Variants in ZNF12 observed in about 807,000 individuals in gnomAD.
The protein encoded by ZNF12 is gonadotropin inducible transcription repressor 3.
A neutral mutation model predicts 66.6 loss-of-function variants in ZNF12; 34 were observed. That is an observed-to-expected ratio of 0.51 (90% CI 0.39 to 0.68). The LOEUF (loss-of-function observed/expected upper bound fraction) is 0.68, where lower values mean the gene tolerates loss of function less well. ZNF12 is among the 30% of genes least tolerant of loss of function. ZNF12 has a pLI of 0.00. For synonymous variants in ZNF12, 320 were observed against 278.9 expected, an observed-to-expected ratio of 1.15 and a Z score of -1.47; for missense variants, 697 against 826.9, an observed-to-expected ratio of 0.84 and a Z score of 1.93.
intron 2 of ZNF12, among the ~76,000 whole-genome samples, chr7:6,702,303 A>AACACACACAC (rs35642461): frequency 0.063 from 7,753 of 122,868 alleles, 693 homozygotes; most frequent in East Asian, 0.31. Context: ...AAACTCCACA[A>AACACACACAC]ACACACACAC....
rs1780166902 is a variant in ZNF12, at chr7:6,697,210, G to A, written c.238+129C>T. 1.6e-6 allele frequency: 1 copy of A among 608,698 alleles called. No homozygotes were observed. The highest frequency in any genetic ancestry group is 2.7e-6 in the Non-Finnish European group (1 of 365,482). The allele number at this position is 608,698 out of a possible 1,614,324, so 37.7% of individuals were successfully genotyped here. ...ACGGGGAAGGAAGAAGTCTTTGGGAGTGAGATTCAGGTTCATAGAGCATAT... is the reference window on the plus strand; with the variant it reads ...ACGGGGAAGGAAGAAGTCTTTGGGAATGAGATTCAGGTTCATAGAGCATAT... On this transcript the variant is annotated intron_variant, in intron 4 of 4. Coordinates refer to ENST00000405858, the MANE Select transcript of ZNF12 (RefSeq NM_016265.4). The surrounding 1 kb of genome is among the most constrained non-coding windows in gnomAD (Gnocchi z 6.1).
intron 4 of ZNF12, among the ~76,000 whole-genome samples, chr7:6,693,061 G>T (rs1780099294): frequency 6.6e-6 from 1 of 152,164 alleles, no homozygotes; most frequent in South Asian, 2.1e-4. Flanking sequence ...TGGCTGACAG[G>T]GTAGAGCGAT....
intron 1 of ZNF12, 80 bp downstream of exon 1, chr7:6,706,352 G>A (rs1284165325): frequency 4.4e-6 from 2 of 453,612 alleles, no homozygotes; most frequent in East Asian, 7.0e-5. Context: ...ACCTTCCACT[G>A]TCCCTCACTC....
chr7:6,692,652 T>C lies in ZNF12; in HGVS notation c.290A>G (p.Asn97Ser). The C allele has an allele frequency of 6.2e-7, 1 of 1,609,600 alleles. No individual in the cohort carries two copies. The highest frequency in any genetic ancestry group is 1.7e-5 in the Admixed American group (1 of 59,006). ...GAACACAGTTTGCCTTGAAGGTTTA[T>C]TTTCCTCTTCCTGGATTCTCTCTAT... ...DLIERIQEEE[N>S]KPSRQTVFIE... Residue 97 changes from asparagine (N) to serine (S), a missense_variant, in exon 5 of 5, where the codon AAT becomes AGT. Asn to Ser is a conservative substitution (Grantham distance 46). Transcript: ENST00000405858. The surrounding 1 kb of genome is among the most constrained non-coding windows in gnomAD (Gnocchi z 5.1).
At chr7:6,694,177 A>C (rs1452298620) in intron 4 of ZNF12, among the ~76,000 whole-genome samples, 5 of 151,514 alleles carry the variant, frequency 3.3e-5, no homozygotes, top group Admixed American at 6.6e-5. Context: ...AAAAAAAAAA[A>C]CAAAACAAAC....
chr7:6,689,885 T>TA lies in ZNF12; in HGVS notation c.*962dup, dbSNP rs1184093999. 6.6e-6 allele frequency: 1 copy of TA among 152,288 alleles called. No individual in the cohort carries two copies. Among genetic ancestry groups the TA allele is most frequent in the Non-Finnish European group, 1.5e-5 (1 of 67,990 alleles). The allele number at this position is 152,288 out of a possible 1,614,324, so 9.4% of individuals were successfully genotyped here. On this transcript the variant is annotated 3_prime_UTR_variant, in exon 5 of 5. Transcript: ENST00000405858. ...CTGCACTGTTATGTAAGTGTCCAAA[T>TA]AAAAAACAGTAGAAAAAAAAATAGA...
intron 2 of ZNF12, among the ~76,000 whole-genome samples, chr7:6,700,621 A>C (rs906078174): frequency 1.3e-5 from 2 of 151,920 alleles, no homozygotes; most frequent in African/African-American, 4.8e-5. Context: ...GTCTCTATTA[A>C]TTTCAGCTTT....
Position 6,706,831 on chromosome 7 carries a change from C to G in ZNF12, c.-450G>C, listed in dbSNP as rs115110901. On this transcript the variant is annotated 5_prime_UTR_variant, in exon 1 of 5. Transcript: ENST00000405858. ...GCACAGCCCCGCGCCCGCTTGGGTG[C>G]CGGCCCGGCTCTTCGGCGCCCAGCC... 2,910 of 337,466 alleles carry G rather than the reference C, an allele frequency of 8.6e-3. 73 individuals are homozygous for G. The highest frequency in any genetic ancestry group is 0.061 in the African/African-American group (2,655 of 43,648). 20.9% of individuals were successfully genotyped at this position (337,466 alleles called of 1,614,324 possible).
Position 6,690,756 on chromosome 7 carries a change from G to A in ZNF12, c.*92C>T. Reference sequence around the variant, plus strand: ...AGGGGATGTCCACACTAACCTGTGTGAACTCTCTGATGTACAAGGTGTTTG... The same window carrying A: ...AGGGGATGTCCACACTAACCTGTGTAAACTCTCTGATGTACAAGGTGTTTG... On this transcript the variant is annotated 3_prime_UTR_variant, in exon 5 of 5. Transcript: ENST00000405858. The A allele has an allele frequency of 1.5e-6, 2 of 1,302,258 alleles. No homozygotes were observed. Among genetic ancestry groups the A allele is most frequent in the East Asian group, 2.5e-5 (1 of 39,738 alleles). 80.7% of individuals were successfully genotyped at this position (1,302,258 alleles called of 1,614,324 possible).
chr7:6,705,022 G>A lies in ZNF12; in HGVS notation c.15+137C>T. The A allele has an allele frequency of 4.1e-6, 4 of 974,752 alleles. No homozygotes were observed. Among genetic ancestry groups the A allele is most frequent in the Non-Finnish European group, 5.9e-6 (4 of 680,328 alleles). The allele number at this position is 974,752 out of a possible 1,614,324, so 60.4% of individuals were successfully genotyped here. ...TATGAATATGATAAAAAGGCTTGGT[G>A]CTGATGGCTACTGTTCTGTCTGACC... is the stretch of plus-strand genomic sequence containing the variant. On this transcript the variant is annotated intron_variant, in intron 2 of 4. Coordinates refer to ENST00000405858, the MANE Select transcript of ZNF12 (RefSeq NM_016265.4). The surrounding 1 kb of genome is among the most constrained non-coding windows in gnomAD (Gnocchi z 4.0).
intron 4 of ZNF12, among the ~76,000 whole-genome samples, chr7:6,694,206 C>G (rs919940480): frequency 3.3e-5 from 5 of 151,666 alleles, no homozygotes; most frequent in African/African-American, 1.2e-4. Context: ...CAAACAAAAT[C>G]AGATCCCTTA....
intron 2 of ZNF12, among the ~76,000 whole-genome samples, chr7:6,699,741 C>G (rs1440920821): frequency 6.6e-6 from 1 of 152,134 alleles, no homozygotes; most frequent in Non-Finnish European, 1.5e-5. Context: ...CACCTGATAT[C>G]TGTCAGGATG....
At position 6,697,629 on chromosome 7, in the gene ZNF12, A is replaced by C; in HGVS notation, c.142+56T>G. 4.4e-6 allele frequency: 7 copies of C among 1,607,012 alleles called. No individual in the cohort carries two copies. Among genetic ancestry groups the C allele is most frequent in the Non-Finnish European group, 6.0e-6 (7 of 1,175,826 alleles). On this transcript the variant is annotated intron_variant, in intron 3 of 4. Transcript: ENST00000405858. This position sits in a 1 kb window ranked among gnomAD's most constrained non-coding sequence, Gnocchi z 6.1. The stretch of plus-strand genomic sequence containing the variant: ...CCATCAAATTTTAAGTTAAAGTCAT[A>C]AAATTTGTGAGAAATCCCATATATT...
At position 6,697,221 on chromosome 7, in the gene ZNF12, G is replaced by A. The variant is rs190247821; in HGVS notation, c.238+118C>T. 224 of 699,752 alleles carry A rather than the reference G, an allele frequency of 3.2e-4. No individual in the cohort carries two copies. In the African/African-American group the frequency reaches 3.6e-3, roughly 11 times the overall value. 43.3% of individuals were successfully genotyped at this position (699,752 alleles called of 1,614,324 possible). On this transcript the variant is annotated intron_variant, in intron 4 of 4. Transcript: ENST00000405858. This position sits in a 1 kb window ranked among gnomAD's most constrained non-coding sequence, Gnocchi z 6.1. ...AGAAGTCTTTGGGAGTGAGATTCAG[G>A]TTCATAGAGCATATAAGCAACTATT...
At position 6,690,886 on chromosome 7, in the gene ZNF12, C is replaced by T. The variant is rs2115345997; in HGVS notation, c.2056G>A (p.Gly686Ser). The part of the protein sequence containing the change: ...FNSHQRIHRR[G>S]NMNVIDVGRL... ...CCCACATCTATTACATTCATATTGCCTCTCCTATGAATTCTCTGATGGCTG... is the reference window on the plus strand; with the variant it reads ...CCCACATCTATTACATTCATATTGCTTCTCCTATGAATTCTCTGATGGCTG... Residue 686 changes from glycine to serine, a missense_variant, in exon 5 of 5, where the codon GGC (glycine) becomes AGC (serine). Coordinates refer to ENST00000405858, the MANE Select transcript of ZNF12 (RefSeq NM_016265.4). The T allele has an allele frequency of 6.2e-7, 1 of 1,613,552 alleles. No individual in the cohort carries two copies. The highest frequency in any genetic ancestry group is 8.5e-7 in the Non-Finnish European group (1 of 1,179,720).
At chr7:6,695,753 A>G (rs1780145079) in intron 4 of ZNF12, among the ~76,000 whole-genome samples, 2 of 152,228 alleles carry the variant, frequency 1.3e-5, no homozygotes, top group African/African-American at 4.8e-5. Flanking sequence ...TCTTTATCCT[A>G]TCACCCCTAG....
rs949897713 is a variant in ZNF12 at position 6,704,740 on chromosome 7, C to CAAAAAAAAAAAAAA, written c.15+405_15+418dup. 2.8e-4 allele frequency among the ~76,000 whole-genome samples: 9 copies of CAAAAAAAAAAAAAA among 32,252 alleles called. 1 individual carries two copies. Among genetic ancestry groups the CAAAAAAAAAAAAAA allele is most frequent in the African/African-American group, 8.0e-4 (8 of 10,004 alleles). 21.2% of individuals were successfully genotyped at this position (32,252 alleles called of 152,430 possible). A position where few individuals can be genotyped will look rare whatever the true frequency, so the allele number is the denominator to read the frequency against. On this transcript the variant is annotated intron_variant, in intron 2 of 4. Transcript: ENST00000405858. ...GGTGACAGAGCGCAATACTTGGTCT[C>CAAAAAAAAAAAAAA]AAAAAAAAAAAAAAAAAAAAAAAAA...
Position 6,690,757 on chromosome 7 carries a change from A to C in ZNF12, c.*91T>G. On this transcript the variant is annotated 3_prime_UTR_variant, in exon 5 of 5. Coordinates refer to ENST00000405858, the MANE Select transcript of ZNF12 (RefSeq NM_016265.4). ...GGGGATGTCCACACTAACCTGTGTG[A>C]ACTCTCTGATGTACAAGGTGTTTGA... 7.7e-7 allele frequency: 1 copy of C among 1,299,014 alleles called. No homozygotes were observed. The highest frequency in any genetic ancestry group is 1.0e-6 in the Non-Finnish European group (1 of 963,314). 80.5% of individuals were successfully genotyped at this position (1,299,014 alleles called of 1,614,324 possible). A position where few individuals can be genotyped will look rare whatever the true frequency, so the allele number is the denominator to read the frequency against.
chr7:6,705,085 T>G lies in ZNF12; in HGVS notation c.15+74A>C. 1 of 1,541,212 alleles carries G rather than the reference T, an allele frequency of 6.5e-7. No homozygotes were observed. Among genetic ancestry groups the G allele is most frequent in the South Asian group, 1.2e-5 (1 of 82,550 alleles). ...TATTTCTACTTTCCCATTTTAAACT[T>G]TGAACCCTTAATCTCCTCCTAAGGT... On this transcript the variant is annotated intron_variant, in intron 2 of 4. Coordinates refer to ENST00000405858, the MANE Select transcript of ZNF12 (RefSeq NM_016265.4). The surrounding 1 kb of genome is among the most constrained non-coding windows in gnomAD (Gnocchi z 4.0).
Sources: allele counts gnomAD v4.1 joint callset (sites outside exome capture counted in the v4.1 genomes callset), GRCh38; gene constraint gnomAD v4.1.1; non-coding constraint Gnocchi (gnomAD v3.1); transcripts MANE v1.5; gene names NCBI Gene and HGNC (gene_info 2026-07-23, HGNC 2026-07-21).